PROM2: variants seen among roughly 807,000 people sequenced by gnomAD.
PROM2 encodes prominin 2.
Under a neutral mutation model 110.2 loss-of-function variants are expected in PROM2, and 90 were observed. That is an observed-to-expected ratio of 0.82 (90% CI 0.69 to 0.97). The LOEUF (loss-of-function observed/expected upper bound fraction) is 0.97, where lower values mean the gene tolerates loss of function less well. Ranked by LOEUF, PROM2 falls within the 50% of genes least tolerant of loss-of-function variation. The probability of loss-of-function intolerance (pLI) is 0.00; values close to 1 mark genes in which losing one functional copy is unlikely to be tolerated. For synonymous variants in PROM2, 470 were observed against 467.8 expected (o/e 1.00, Z -0.06); for missense variants, 1,009 against 1,074.8 (o/e 0.94, Z 0.86).
chr2:95,279,983 C>T lies in PROM2; in HGVS notation c.1413C>T (p.Ala471=). The change falls in exon 11 of 24, where the codon GCC becomes GCT. Residue 471 remains alanine (A), a synonymous_variant. Coordinates refer to ENST00000317620, the MANE Select transcript of PROM2 (RefSeq NM_001165978.3). Reference sequence around the variant, plus strand: ...CAGAAGCCAAGGGCGAGGCTGGAGCCCGCTTCCTCATGGCGTAAGAAAGGG... The same window carrying T: ...CAGAAGCCAAGGGCGAGGCTGGAGCTCGCTTCCTCATGGCGTAAGAAAGGG... The part of the protein sequence containing the change: ...SHPEAKGEAG[A]RFLMAGVGLS... 6.8e-7 allele frequency: 1 copy of T among 1,461,464 alleles called. No homozygotes were observed. The highest frequency in any genetic ancestry group is 1.4e-5 in the South Asian group (1 of 69,596). 90.5% of individuals were successfully genotyped at this position (1,461,464 alleles called of 1,614,324 possible).
In PROM2 at chr2:95,275,976, G is replaced by C. The variant is rs1459345906; in HGVS notation, c.341G>C (p.Gly114Ala). 1.9e-6 allele frequency: 3 copies of C among 1,612,122 alleles called. No individual in the cohort carries two copies. The East Asian group carries it at 6.7e-5, about 36-fold the overall frequency. The change falls in exon 3 of 24, where the codon GGC becomes GCC. Residue 114 changes from glycine (G) to alanine (A), a missense_variant. Physicochemically the swap from Gly to Ala is moderately conservative, Grantham distance 60. Coordinates refer to ENST00000317620, the MANE Select transcript of PROM2 (RefSeq NM_001165978.3). This position sits in a 1 kb window ranked among gnomAD's most constrained non-coding sequence, Gnocchi z 4.4. Reference sequence around the variant, plus strand: ...TACGTGGTATGCGCTGTGATCGCGGGCCTCTACCTGCTGCTGGTGCCCACT... The same window carrying C: ...TACGTGGTATGCGCTGTGATCGCGGCCCTCTACCTGCTGCTGGTGCCCACT... ...AGYVVCAVIA[G>A]LYLLLVPTAG... is the part of the protein sequence containing the mutation.
In PROM2 at chr2:95,276,784, AG is replaced by A; in HGVS notation, c.682+129del. On this transcript the variant is annotated intron_variant, in intron 5 of 23. Coordinates refer to ENST00000317620, the MANE Select transcript of PROM2 (RefSeq NM_001165978.3). The surrounding 1 kb of genome is among the most constrained non-coding windows in gnomAD (Gnocchi z 4.6). ...GAACAGGCTGGTAGAGGTGGGGATC[AG>A]GCCGGCTGGAGAGCAAGAGTGGCCG... The A allele has an allele frequency of 8.2e-7, 1 of 1,212,620 alleles. No individual in the cohort carries two copies. Among genetic ancestry groups the A allele is most frequent in the African/African-American group, 1.5e-5 (1 of 66,432 alleles). 75.1% of individuals were successfully genotyped at this position (1,212,620 alleles called of 1,614,324 possible). A position where few individuals can be genotyped will look rare whatever the true frequency, so the allele number is the denominator to read the frequency against.
Position 95,281,235 on chromosome 2 carries a change from A to G in PROM2, c.1428-7A>G, listed in dbSNP as rs868422891. 2 of 1,611,636 alleles carry G rather than the reference A, an allele frequency of 1.2e-6. No homozygotes were observed. The highest frequency in any genetic ancestry group is 8.5e-7 in the Non-Finnish European group (1 of 1,179,756). ...TGTCCCTCAGTCCTGCCTCTCGCCT[A>G]CCCCAGAGGTGTGGGCCTCAGCTTC... On this transcript the variant is annotated splice_polypyrimidine_tract_variant and splice_region_variant and intron_variant, in intron 11 of 23. Coordinates refer to ENST00000317620, the MANE Select transcript of PROM2 (RefSeq NM_001165978.3).
intron 17 of PROM2, 99 bp from the exon 18 acceptor site, chr2:95,286,705 T>TCTCCCCTCCC: frequency 4.3e-5 from 15 of 350,142 alleles, no homozygotes; most frequent in East Asian, 1.7e-4. Flanking sequence ...TCTCCCCTCC[T>TCTCCCCTCCC]CTCCCCTCCC....
At chr2:95,284,588 A>G (rs1207286856) in intron 14 of PROM2, among the ~76,000 whole-genome samples, 1 of 152,214 alleles carries the variant, frequency 6.6e-6, no homozygotes, top group African/African-American at 2.4e-5. Flanking sequence ...TGGCACCGGC[A>G]GCCGTTTCTG....
At chr2:95,278,577 G>T in intron 8 of PROM2, 144 bp from the exon 9 acceptor site, 1 of 899,884 alleles carries the variant, frequency 1.1e-6, no homozygotes, top group Admixed American at 1.9e-5. Flanking sequence ...CCAGGGGATG[G>T]GAGAGGAGGG....
chr2:95,283,769 A>C (rs1558747063), intron 14 of PROM2, among the ~76,000 whole-genome samples: 1 of 133,816 alleles, frequency 7.5e-6, no homozygotes, highest in Non-Finnish European at 1.6e-5. Context: ...CTGAAAATAC[A>C]GTTTCATTCA....
At chr2:95,286,720 CCTCCA>C (rs1451879183) in intron 17 of PROM2, 79 bp from the exon 18 acceptor site, 6 of 860,030 alleles carry the variant, frequency 7.0e-6, no homozygotes, top group East Asian at 2.6e-5. Context: ...CCTCCCCTCC[CCTCCA>C]CTCCCCTCCA....
rs79392338 is a variant in PROM2, at chr2:95,284,829, G to A, written c.1729-140G>A. The A allele has an allele frequency of 4.8e-5, 48 of 994,168 alleles. No individual in the cohort carries two copies. The East Asian group carries it at 1.2e-3, about 24-fold the overall frequency. The allele number at this position is 994,168 out of a possible 1,614,324, so 61.6% of individuals were successfully genotyped here. On this transcript the variant is annotated intron_variant, in intron 14 of 23. Coordinates refer to ENST00000317620, the MANE Select transcript of PROM2 (RefSeq NM_001165978.3). ...AGGCCCACCTTCACCCCCAACACCG[G>A]GGATCACATTGCAACATGAAATTTG...
rs377396030 is a variant in PROM2 at position 95,276,867 on chromosome 2, C to A, written c.683-105C>A. 7.7e-6 allele frequency: 10 copies of A among 1,291,660 alleles called. No homozygotes were observed. Among genetic ancestry groups the A allele is most frequent in the South Asian group, 3.9e-5 (3 of 77,332 alleles). 80.0% of individuals were successfully genotyped at this position (1,291,660 alleles called of 1,614,324 possible). The stretch of plus-strand genomic sequence containing the variant: ...CCCGCTCCTTCACTCCCCTCCACCC[C>A]CCGGCTCCTGCAGAGCCCGGTGGGG... On this transcript the variant is annotated intron_variant, in intron 5 of 23. Transcript: ENST00000317620. This position sits in a 1 kb window ranked among gnomAD's most constrained non-coding sequence, Gnocchi z 4.6.
rs768063789 is a variant in PROM2, at chr2:95,275,963, G to A, written c.328G>A (p.Ala110Thr). The part of the protein sequence containing the change: ...VRYEAGYVVC[A>T]VIAGLYLLLV... ...GTACGAGGCGGGCTACGTGGTATGC[G>A]CTGTGATCGCGGGCCTCTACCTGCT... Residue 110 changes from alanine to threonine, a missense_variant, in exon 3 of 24, where the codon GCT becomes ACT. Transcript: ENST00000317620. This position sits in a 1 kb window ranked among gnomAD's most constrained non-coding sequence, Gnocchi z 4.4. The A allele has an allele frequency of 9.3e-6, 15 of 1,612,062 alleles. No homozygotes were observed. The highest frequency in any genetic ancestry group is 2.2e-5 in the South Asian group (2 of 90,976).
At chr2:95,288,340 C>T (rs373093666) in intron 21 of PROM2, 40 bp downstream of exon 21, 80 of 1,609,370 alleles carry the variant, frequency 5.0e-5, no homozygotes, top group East Asian at 2.5e-4. Flanking sequence ...CACCAAGTCC[C>T]GGAGCCTTCC....
intron 20 of PROM2, 47 bp downstream of exon 20, chr2:95,287,511 C>T: frequency 6.3e-7 from 1 of 1,586,798 alleles, no homozygotes; most frequent in Middle Eastern, 1.9e-4. Context: ...CTCCATCGGA[C>T]CAGCTGTTCA....
Position 95,278,595 on chromosome 2 carries a change from C to CAAG in PROM2, c.1051-124_1051-122dup, listed in dbSNP as rs573377046. The CAAG allele has an allele frequency of 3.6e-4, 398 of 1,107,014 alleles. 3 individuals are homozygous for CAAG. In the African/African-American group the frequency reaches 5.6e-3, roughly 16 times the overall value. The allele number at this position is 1,107,014 out of a possible 1,614,324, so 68.6% of individuals were successfully genotyped here. On this transcript the variant is annotated intron_variant, in intron 8 of 23. Transcript: ENST00000317620. ...GGGGATGGGAGAGGAGGGCAGCGAC[C>CAAG]AAGAGAAAAGAGGGAAACTGGGAGC...
chr2:95,274,978 C>T (rs1676563173), intron 1 of PROM2, 149 bp downstream of exon 1: 1 of 1,018,506 alleles, frequency 9.8e-7, no homozygotes, highest in Non-Finnish European at 1.4e-6. Flanking sequence ...GGGAGGGCTC[C>T]AGAACCTGCT....
Position 95,276,713 on chromosome 2 carries a change from G to T in PROM2, c.682+56G>T. On this transcript the variant is annotated intron_variant, in intron 5 of 23. Transcript: ENST00000317620. The surrounding 1 kb of genome is among the most constrained non-coding windows in gnomAD (Gnocchi z 4.6). ...GGCTCCTTCCAGGGCCCCTGCTCGG[G>T]TGCCTCGGTGGGGGCCTCTCACTCC... The T allele has an allele frequency of 1.3e-6, 2 of 1,583,990 alleles. No individual in the cohort carries two copies. The highest frequency in any genetic ancestry group is 1.7e-6 in the Non-Finnish European group (2 of 1,155,596).
chr2:95,287,239 G>A (rs764097659), intron 19 of PROM2, 26 bp downstream of exon 19: 1 of 1,608,320 alleles, frequency 6.2e-7, no homozygotes, highest in South Asian at 1.1e-5. Flanking sequence ...GACAGGGAAG[G>A]GGCTTCCACC....
At chr2:95,284,629 C>T (rs1439069579) in intron 14 of PROM2, among the ~76,000 whole-genome samples, 3 of 152,176 alleles carry the variant, frequency 2.0e-5, no homozygotes, top group Non-Finnish European at 4.4e-5. Context: ...CACTCATGGC[C>T]GAAGGCCAAG....
chr2:95,276,734 A>T lies in PROM2; in HGVS notation c.682+77A>T. On this transcript the variant is annotated intron_variant, in intron 5 of 23. Transcript: ENST00000317620. The surrounding 1 kb of genome is among the most constrained non-coding windows in gnomAD (Gnocchi z 4.6). ...TCGGGTGCCTCGGTGGGGGCCTCTC[A>T]CTCCCTCATTCTGGACACCCCCGGG... 1 of 1,492,344 alleles carries T rather than the reference A, an allele frequency of 6.7e-7. No individual in the cohort carries two copies. Among genetic ancestry groups the T allele is most frequent in the South Asian group, 1.1e-5 (1 of 87,046 alleles). The allele number at this position is 1,492,344 out of a possible 1,614,324, so 92.4% of individuals were successfully genotyped here.
Sources: gnomAD v4.1 joint callset for allele counts (sites outside exome capture counted in the v4.1 genomes callset) on GRCh38, gnomAD v4.1.1 for gene constraint, Gnocchi (gnomAD v3.1) non-coding constraint, MANE v1.5 for transcripts, NCBI Gene and HGNC (gene_info 2026-07-23, HGNC 2026-07-21) for gene names.